Variants in PALLD observed in about 807,000 individuals in gnomAD.
PALLD encodes palladin.
A neutral mutation model predicts 123.5 loss-of-function variants in PALLD; 61 were observed. That is an observed-to-expected ratio of 0.49 (90% CI 0.40 to 0.61). PALLD has a LOEUF of 0.61. Ranked by LOEUF, PALLD falls within the 20% of genes least tolerant of loss-of-function variation. The probability of loss-of-function intolerance (pLI) is 0.00; values close to 1 mark genes in which losing one functional copy is unlikely to be tolerated. For missense variants in PALLD, 1,273 were observed against 1,377.0 expected, an observed-to-expected ratio of 0.92 and a Z score of 1.20; for synonymous variants, 465 against 496.4, an observed-to-expected ratio of 0.94 and a Z score of 0.84.
At chr4:168,850,067 T>C (rs886439571) in intron 10 of PALLD, among the ~76,000 whole-genome samples, 6 of 152,220 alleles carry the variant, frequency 3.9e-5, no homozygotes, top group Middle Eastern at 3.2e-3. Context: ...TCCTCCCTTA[T>C]ACTCAATACT....
chr4:168,575,055 C>A (rs1053799715), intron 2 of PALLD, among the ~76,000 whole-genome samples: 2 of 152,090 alleles, frequency 1.3e-5, no homozygotes, highest in African/African-American at 4.8e-5. Context: ...TTCTTAATCA[C>A]CATGACTGCA....
At chr4:168,626,194 A>T (rs1221674128) in intron 2 of PALLD, among the ~76,000 whole-genome samples, 16 of 151,754 alleles carry the variant, frequency 1.1e-4, no homozygotes. Context: ...AGGTCAGGAG[A>T]TCGAGACCAT....
At chr4:168,624,365 T>A (rs2149804927) in intron 2 of PALLD, among the ~76,000 whole-genome samples, 1 of 152,254 alleles carries the variant, frequency 6.6e-6, no homozygotes, top group Admixed American at 6.5e-5. Flanking sequence ...AAAAAGAGCA[T>A]TTGGACAAAA....
rs762535957 is a variant in PALLD, at chr4:168,586,983, G to A, written c.908+74571G>A. On this transcript the variant is annotated intron_variant, in intron 2 of 21. Coordinates refer to ENST00000505667, the MANE Select transcript of PALLD (RefSeq NM_001166108.2). Reference sequence around the variant, plus strand: ...CTAGACAGTCTCTTTGCAGAGCTGCGCTTCTGCTCAGAAGACATTTGTCAA... The same window carrying A: ...CTAGACAGTCTCTTTGCAGAGCTGCACTTCTGCTCAGAAGACATTTGTCAA... Among the ~76,000 whole-genome samples the A allele has an allele frequency of 4.6e-5, 7 of 152,160 alleles. 1 individual carries two copies. The highest frequency in any genetic ancestry group is 3.3e-4 in the Admixed American group (5 of 15,280).
At chr4:168,816,627 G>T (rs1741992986) in intron 10 of PALLD, among the ~76,000 whole-genome samples, 1 of 151,776 alleles carries the variant, frequency 6.6e-6, no homozygotes, top group Non-Finnish European at 1.5e-5. Context: ...ATAGGATGAG[G>T]GCAATTGTGT....
At position 168,511,815 on chromosome 4, in the gene PALLD, C is replaced by T. The variant is rs764883899; in HGVS notation, c.311C>T (p.Pro104Leu). ...PQDNRSTPVQ[P>L]LAEKQTKSIS... ...GATAACAGGTCAACACCTGTCCAGC[C>T]TCTGGCAGAGAAACAAACTAAGAGT... Residue 104 changes from proline to leucine, a missense_variant, in exon 2 of 22, where the codon CCT becomes CTT. Around this residue, in one of 2 missense-constraint regions of PALLD, gnomAD observed 944 missense variants for 954.5 expected, o/e 0.99. Transcript: ENST00000505667. 1 of 1,614,188 alleles carries T rather than the reference C, an allele frequency of 6.2e-7. No individual in the cohort carries two copies. Among genetic ancestry groups the T allele is most frequent in the Non-Finnish European group, 8.5e-7 (1 of 1,180,020 alleles).
chr4:168,812,733 T>C (rs1741343717), intron 10 of PALLD, among the ~76,000 whole-genome samples: 1 of 152,126 alleles, frequency 6.6e-6, no homozygotes, highest in Non-Finnish European at 1.5e-5. Context: ...AGATTCAGAG[T>C]CAAAGTTGGG....
Position 168,668,346 on chromosome 4 carries a change from A to G in PALLD, c.1065A>G (p.Thr355=), listed in dbSNP as rs745737105. The G allele has an allele frequency of 2.5e-5, 41 of 1,611,420 alleles. No homozygotes were observed. The East Asian group carries it at 6.2e-4, about 25-fold the overall frequency. ...LATNPSGSDT[T]SAEVFIEGAS... ...CGAATCCCAGCGGCTCAGACACAACATCTGCTGAGGTGTTCATTGAAGGTA... is the reference window on the plus strand; with the variant it reads ...CGAATCCCAGCGGCTCAGACACAACGTCTGCTGAGGTGTTCATTGAAGGTA... The change falls in exon 3 of 22, where the codon ACA becomes ACG. Residue 355 remains threonine, a synonymous_variant. Transcript: ENST00000505667.
intron 10 of PALLD, among the ~76,000 whole-genome samples, chr4:168,739,680 T>G (rs1788136049): frequency 6.6e-6 from 1 of 152,130 alleles, no homozygotes; most frequent in South Asian, 2.1e-4. Flanking sequence ...TATCCCCCAT[T>G]AATATGTACA....
At chr4:168,910,562 T>G (rs1758720632) in intron 15 of PALLD, among the ~76,000 whole-genome samples, 1 of 152,180 alleles carries the variant, frequency 6.6e-6, no homozygotes, top group Non-Finnish European at 1.5e-5. Flanking sequence ...CCATAGTGAG[T>G]GCTACAATAA....
intron 12 of PALLD, among the ~76,000 whole-genome samples, chr4:168,895,340 C>T (rs2151223301): frequency 6.6e-6 from 1 of 152,302 alleles, no homozygotes; most frequent in African/African-American, 2.4e-5. Context: ...TGAGGTTGTA[C>T]CACTGCACTC....
rs934118580 is a variant in PALLD, at chr4:168,900,222, C to T, written c.2472+1508C>T. Among the ~76,000 whole-genome samples the T allele has an allele frequency of 4.6e-5, 7 of 152,192 alleles. 1 individual carries two copies. Among genetic ancestry groups the T allele is most frequent in the African/African-American group, 1.7e-4 (7 of 41,450 alleles). ...ACCCCATGATCCCGTCACCTCCCGC[C>T]AGGCCCCACCTCCAACACTGGGAGT... On this transcript the variant is annotated intron_variant, in intron 14 of 21. Coordinates refer to ENST00000505667, the MANE Select transcript of PALLD (RefSeq NM_001166108.2).
chr4:168,552,626 A>T (rs1443157297), intron 2 of PALLD, among the ~76,000 whole-genome samples: 3 of 152,020 alleles, frequency 2.0e-5, no homozygotes, highest in African/African-American at 7.2e-5. Flanking sequence ...ATATATTCCT[A>T]TGTATTTAAT....
At chr4:168,777,827 C>G (rs923566467) in intron 10 of PALLD, among the ~76,000 whole-genome samples, 6 of 152,194 alleles carry the variant, frequency 3.9e-5, no homozygotes, top group Admixed American at 3.3e-4. Context: ...TCTCCCCACC[C>G]CCTTCATTCA....
intron 15 of PALLD, chr4:168,904,373 A>T (rs1410799881): frequency 6.2e-6 from 1 of 162,448 alleles, no homozygotes; most frequent in Non-Finnish European, 1.4e-5. Context: ...ATGTAGACAA[A>T]TGATAATTTT....
intron 14 of PALLD, among the ~76,000 whole-genome samples, chr4:168,899,845 A>T (rs1451036523): frequency 1.3e-5 from 2 of 151,780 alleles, no homozygotes; most frequent in East Asian, 3.9e-4. Context: ...GGAACCCAGG[A>T]GGTGGAGGTT....
intron 10 of PALLD, among the ~76,000 whole-genome samples, chr4:168,809,086 G>A (rs549831678): frequency 2.2e-4 from 33 of 152,156 alleles, no homozygotes; most frequent in African/African-American, 7.5e-4. Context: ...AGCATTTGTG[G>A]GTGAGTTTCT....
intron 2 of PALLD, among the ~76,000 whole-genome samples, chr4:168,613,185 A>G (rs1773900024): frequency 6.6e-6 from 1 of 152,188 alleles, no homozygotes. Context: ...GTGACCAACC[A>G]TCCTGATTTG....
chr4:168,761,392 C>A (rs2150440474), intron 10 of PALLD, among the ~76,000 whole-genome samples: 1 of 152,242 alleles, frequency 6.6e-6, no homozygotes, highest in East Asian at 1.9e-4. Flanking sequence ...CAGTTAAAGT[C>A]ATATCCACAG....
Sources: gnomAD v4.1 joint callset for allele counts (sites outside exome capture counted in the v4.1 genomes callset) on GRCh38, gnomAD v4.1.1 for gene constraint, gnomAD v4.1.1 regional missense constraint, MANE v1.5 for transcripts, NCBI Gene and HGNC (gene_info 2026-07-23, HGNC 2026-07-21) for gene names.